CAMK2G: variants seen among roughly 807,000 people sequenced by gnomAD.
CAMK2G encodes calcium/calmodulin-dependent protein kinase type II subunit gamma.
A neutral mutation model predicts 88.7 loss-of-function variants in CAMK2G; 23 were observed. The observed-to-expected ratio is 0.26, with a 90% CI of 0.19 to 0.37. The LOEUF (loss-of-function observed/expected upper bound fraction) is 0.37, where lower values mean the gene tolerates loss of function less well. Ranked by LOEUF, CAMK2G falls within the 10% of genes least tolerant of loss-of-function variation. CAMK2G has a pLI of 1.00. For missense variants in CAMK2G, 476 were observed against 780.8 expected (o/e 0.61, Z 4.65); for synonymous variants, 263 against 294.8 (o/e 0.89, Z 1.11).
intron 1 of CAMK2G, among the ~76,000 whole-genome samples, chr10:73,873,971 C>T (rs996976989): frequency 2.0e-5 from 3 of 150,868 alleles, no homozygotes; most frequent in Admixed American, 6.6e-5. Flanking sequence ...AAACAGCCCC[C>T]CCACGCCCGG....
chr10:73,872,571 C>T (rs2095870863), intron 2 of CAMK2G, among the ~76,000 whole-genome samples: 1 of 152,228 alleles, frequency 6.6e-6, no homozygotes, highest in African/African-American at 2.4e-5. Context: ...GTCAGAGCTG[C>T]TCACTTACTG....
chr10:73,822,867 G>C (rs1460132197), intron 17 of CAMK2G, among the ~76,000 whole-genome samples: 1 of 152,104 alleles, frequency 6.6e-6, no homozygotes, highest in African/African-American at 2.4e-5. Flanking sequence ...AGGTTTTTCT[G>C]TTTTTCATTT....
At chr10:73,831,970 G>A (rs189393703) in intron 14 of CAMK2G, among the ~76,000 whole-genome samples, 1 of 151,098 alleles carries the variant, frequency 6.6e-6, no homozygotes, top group Non-Finnish European at 1.5e-5. Context: ...TGCCCAGGCT[G>A]AACCTCCTGG....
At chr10:73,855,663 C>T (rs887747961) in intron 3 of CAMK2G, among the ~76,000 whole-genome samples, 1 of 152,234 alleles carries the variant, frequency 6.6e-6, no homozygotes, top group Non-Finnish European at 1.5e-5. Context: ...GAAGGCCACA[C>T]ACAGAGCCCA....
intron 14 of CAMK2G, among the ~76,000 whole-genome samples, chr10:73,834,687 T>A (rs2092991422): frequency 6.6e-6 from 1 of 152,250 alleles, no homozygotes; most frequent in Non-Finnish European, 1.5e-5. Flanking sequence ...AAAGTGTTTT[T>A]AAAATTCACA....
intron 3 of CAMK2G, among the ~76,000 whole-genome samples, chr10:73,856,044 A>G (rs1272143499): frequency 1.3e-5 from 2 of 151,800 alleles, no homozygotes; most frequent in Admixed American, 1.3e-4. Context: ...AGAGGCTGGG[A>G]CCACAGCTGT....
intron 4 of CAMK2G, 79 bp downstream of exon 4, chr10:73,853,113 T>C: frequency 7.5e-7 from 1 of 1,341,082 alleles, no homozygotes; most frequent in Non-Finnish European, 1.1e-6. Context: ...CTGGAGAGCC[T>C]GTTTAGGCCT....
chr10:73,862,718 G>C (rs1685789906), intron 2 of CAMK2G, among the ~76,000 whole-genome samples: 1 of 152,242 alleles, frequency 6.6e-6, no homozygotes, highest in African/African-American at 2.4e-5. Context: ...AGAATGGTGA[G>C]AGTTGAGTTA....
intron 17 of CAMK2G, among the ~76,000 whole-genome samples, chr10:73,822,925 G>A (rs1167139066): frequency 6.6e-6 from 1 of 152,166 alleles, no homozygotes; most frequent in Non-Finnish European, 1.5e-5. Flanking sequence ...GCAGTGGCAC[G>A]ATTTCAGCTC....
chr10:73,849,331 T>A lies in CAMK2G; in HGVS notation c.344A>T (p.His115Leu), dbSNP rs764533747. Residue 115 changes from histidine to leucine, a missense_variant and splice_region_variant, in exon 6 of 23, where the codon CAC (histidine) becomes CTC (leucine). Physicochemically the swap from His to Leu is moderately conservative, Grantham distance 99. Coordinates refer to ENST00000423381, the MANE Select transcript of CAMK2G (RefSeq NM_001367534.1). ...ACTCTCCAGAATCTGATGTATACAG[T>A]GGCTAAAAAAGCAGAAGGAAAAGAA... ...REYYSEADAS[H>L]CIHQILESVN... is the part of the protein sequence containing the mutation. The A allele has an allele frequency of 1.2e-6, 2 of 1,610,054 alleles. No individual in the cohort carries two copies. The highest frequency in any genetic ancestry group is 1.7e-6 in the Non-Finnish European group (2 of 1,176,526).
At chr10:73,872,167 A>G (rs2095855004) in intron 2 of CAMK2G, among the ~76,000 whole-genome samples, 1 of 152,194 alleles carries the variant, frequency 6.6e-6, no homozygotes, top group Non-Finnish European at 1.5e-5. Flanking sequence ...AGATGAGGTG[A>G]GTTTGGCAAG....
intron 2 of CAMK2G, among the ~76,000 whole-genome samples, chr10:73,867,950 T>G: frequency 6.6e-6 from 1 of 152,116 alleles, no homozygotes; most frequent in East Asian, 1.9e-4. Flanking sequence ...CTTTTGTGCT[T>G]TGATTTCCCC....
intron 19 of CAMK2G, among the ~76,000 whole-genome samples, chr10:73,817,933 C>T (rs2086280267): frequency 2.0e-5 from 3 of 152,110 alleles, no homozygotes; most frequent in African/African-American, 4.8e-5. Context: ...CCAATAAGGC[C>T]GCTTCCACCC....
In CAMK2G at chr10:73,834,659, A is replaced by G. The variant is rs368279330; in HGVS notation, c.1053+2809T>C. Among the ~76,000 whole-genome samples the G allele has an allele frequency of 3.9e-5, 6 of 152,040 alleles. No individual in the cohort carries two copies. The East Asian group carries it at 5.8e-4, about 15-fold the overall frequency. On this transcript the variant is annotated intron_variant, in intron 14 of 22. Transcript: ENST00000423381. ...GCCTTTACCAGACTCTTAAACCTTC[A>G]TGTGCTTTGGATTCATGAAAGTGTT...
chr10:73,857,142 C>A (rs961103190), intron 3 of CAMK2G, among the ~76,000 whole-genome samples: 1 of 152,126 alleles, frequency 6.6e-6, no homozygotes, highest in Non-Finnish European at 1.5e-5. Flanking sequence ...TTATTTGCAA[C>A]CGTTTCTTTG....
chr10:73,869,936 G>A (rs1221461027), intron 2 of CAMK2G, among the ~76,000 whole-genome samples: 1 of 152,164 alleles, frequency 6.6e-6, no homozygotes, highest in Non-Finnish European at 1.5e-5. Flanking sequence ...TTGTTTTAGG[G>A]ATAAATCCTA....
At chr10:73,856,524 G>A (rs370446901) in intron 3 of CAMK2G, among the ~76,000 whole-genome samples, 2 of 152,234 alleles carry the variant, frequency 1.3e-5, no homozygotes, top group East Asian at 1.9e-4. Flanking sequence ...GCTGCCAGGC[G>A]AAGAGGGAAG....
At position 73,839,991 on chromosome 10, in the gene CAMK2G, A is replaced by G. The variant is rs1002163280; in HGVS notation, c.947-390T>C. Among the ~76,000 whole-genome samples the G allele has an allele frequency of 2.6e-5, 4 of 152,164 alleles. No homozygotes were observed. The highest frequency in any genetic ancestry group is 6.5e-5 in the Admixed American group (1 of 15,290). On this transcript the variant is annotated intron_variant, in intron 12 of 22. Transcript: ENST00000423381. The surrounding 1 kb of genome is among the most constrained non-coding windows in gnomAD (Gnocchi z 4.2). ...CCTCCCTTCTAGTCCTTCCCTCCCT[A>G]GAAGCTAAATGAGCCCACGATGAGA... is the stretch of plus-strand genomic sequence containing the variant.
At chr10:73,867,264 C>A (rs901189926) in intron 2 of CAMK2G, among the ~76,000 whole-genome samples, 3 of 152,202 alleles carry the variant, frequency 2.0e-5, no homozygotes, top group South Asian at 2.1e-4. Flanking sequence ...TGCCCTATAG[C>A]GAAAAGGCCC....
Sources: allele counts gnomAD v4.1 joint callset (sites outside exome capture counted in the v4.1 genomes callset), GRCh38; gene constraint gnomAD v4.1.1; non-coding constraint Gnocchi (gnomAD v3.1); transcripts MANE v1.5; gene names NCBI Gene and HGNC (gene_info 2026-07-23, HGNC 2026-07-21).